ABCB11: variants seen among roughly 807,000 people sequenced by gnomAD.
ABCB11 encodes ATP binding cassette subfamily B member 11, also known as bile salt export pump.
ABCB11 carries 95 observed loss-of-function variants against 148.0 expected under a neutral mutation model. The ratio of observed to expected loss-of-function variants is 0.64; its 90% CI spans 0.54 to 0.76. ABCB11 has a LOEUF of 0.76. Ranked by LOEUF, ABCB11 falls within the 30% of genes least tolerant of loss-of-function variation. The pLI is 0.00. For missense variants in ABCB11, 1,523 were observed against 1,617.8 expected (o/e 0.94, Z 1.01); for synonymous variants, 591 against 555.4 (o/e 1.06, Z -0.90).
At chr2:168,960,131 T>G (rs1405732086) in intron 18 of ABCB11, among the ~76,000 whole-genome samples, 2 of 151,500 alleles carry the variant, frequency 1.3e-5, no homozygotes, top group Admixed American at 6.6e-5. Flanking sequence ...GGTTGATGAT[T>G]AAAAAACCAG....
intron 21 of ABCB11, among the ~76,000 whole-genome samples, chr2:168,942,502 G>A (rs573014479): frequency 3.1e-4 from 2 of 6,442 alleles, no homozygotes; most frequent in East Asian, 0.016. Flanking sequence ...TTAAAACAAA[G>A]GGTGCAAAAA....
intron 5 of ABCB11, among the ~76,000 whole-genome samples, chr2:169,001,230 G>T (rs1389855409): frequency 1.3e-5 from 2 of 152,142 alleles, no homozygotes; most frequent in Non-Finnish European, 2.9e-5. Flanking sequence ...AATTCAGAAA[G>T]CTTAAGAGAA....
intron 9 of ABCB11, among the ~76,000 whole-genome samples, chr2:168,987,781 A>C (rs930842553): frequency 1.3e-5 from 2 of 152,236 alleles, no homozygotes; most frequent in African/African-American, 4.8e-5. Context: ...CATGTAGCAC[A>C]GTACCTGAAT....
At chr2:168,933,205 T>C (rs1315611532) in intron 23 of ABCB11, among the ~76,000 whole-genome samples, 1 of 151,682 alleles carries the variant, frequency 6.6e-6, no homozygotes, top group Non-Finnish European at 1.5e-5. Context: ...GATCACCAGA[T>C]TGAGTTGATT....
At chr2:168,976,749 A>G in intron 11 of ABCB11, 62 bp from the exon 12 acceptor site, 1 of 986,288 alleles carries the variant, frequency 1.0e-6, no homozygotes, top group South Asian at 1.4e-5. Flanking sequence ...ACTCAATTCA[A>G]ATTGTAAATT....
intron 18 of ABCB11, among the ~76,000 whole-genome samples, chr2:168,958,378 T>C (rs1319421684): frequency 6.6e-6 from 1 of 151,662 alleles, no homozygotes; most frequent in Non-Finnish European, 1.5e-5. Flanking sequence ...ATTTCATGAT[T>C]ACATGTGTAT....
In ABCB11 at chr2:168,964,249, A is replaced by G. The variant is rs372939910; in HGVS notation, c.2135T>C (p.Leu712Ser). The change falls in exon 18 of 28, where the codon TTA becomes TCA. Residue 712 changes from leucine (L) to serine (S), a missense_variant. Transcript: ENST00000650372. ...GGTAGACTTATGATCTACAACAGCT[A>G]ATGGAGGTTCGTGCACCAGGTAAGA... Reference protein sequence around the residue: ...QLSYLVHEPPLAVVDHKSTYE... With the variant: ...QLSYLVHEPPSAVVDHKSTYE... 2.3e-5 allele frequency: 36 copies of G among 1,569,972 alleles called. No individual in the cohort carries two copies. The East Asian group carries it at 3.0e-4, about 13-fold the overall frequency.
rs767887007 is a variant in ABCB11 at position 169,001,031 on chromosome 2, C to T, written c.390-4309G>A. Among the ~76,000 whole-genome samples, 14 of 152,118 alleles carry T rather than the reference C, an allele frequency of 9.2e-5. 1 individual carries two copies. Among genetic ancestry groups the T allele is most frequent in the Non-Finnish European group, 1.5e-4 (10 of 68,016 alleles). The stretch of plus-strand genomic sequence containing the variant: ...TGCTCTAGGAAATACATTATAGATA[C>T]ATCACTTTTCACAGTCTACTAGTGC... On this transcript the variant is annotated intron_variant, in intron 5 of 27. Coordinates refer to ENST00000650372, the MANE Select transcript of ABCB11 (RefSeq NM_003742.4).
intron 19 of ABCB11, among the ~76,000 whole-genome samples, chr2:168,949,702 A>G (rs1692473844): frequency 6.6e-6 from 1 of 151,564 alleles, no homozygotes; most frequent in Non-Finnish European, 1.5e-5. Flanking sequence ...TTCCCTTTGT[A>G]TATGCCCATA....
chr2:168,936,105 T>C, intron 22 of ABCB11, 125 bp downstream of exon 22: 1 of 927,806 alleles, frequency 1.1e-6, no homozygotes, highest in Non-Finnish European at 1.6e-6. Context: ...TGGTGGAAGG[T>C]TCTTAAGTGT....
At chr2:168,933,277 T>C (rs1481111400) in intron 23 of ABCB11, among the ~76,000 whole-genome samples, 2 of 152,192 alleles carry the variant, frequency 1.3e-5, no homozygotes, top group Non-Finnish European at 2.9e-5. Context: ...TGATTGATGA[T>C]ATAAGCATCA....
chr2:169,030,972 A>ACT (rs76125145), intron 1 of ABCB11, among the ~76,000 whole-genome samples: 9 of 151,740 alleles, frequency 5.9e-5, no homozygotes, highest in Non-Finnish European at 1.3e-4. Context: ...CATGTACACC[A>ACT]CTCTCTCTCT....
chr2:168,930,875 G>A lies in ABCB11; in HGVS notation c.3214-13C>T. ...CCTGGAAGTTGTCCTGTGGATGGGA[G>A]GATCAAAATTAGAGATGCTCTTACT... On this transcript the variant is annotated splice_polypyrimidine_tract_variant and intron_variant, in intron 24 of 27. Transcript: ENST00000650372. 2.5e-6 allele frequency: 4 copies of A among 1,577,050 alleles called. No homozygotes were observed. Among genetic ancestry groups the A allele is most frequent in the South Asian group, 1.2e-5 (1 of 86,442 alleles).
intron 1 of ABCB11, among the ~76,000 whole-genome samples, chr2:169,018,450 G>C (rs1405241573): frequency 6.6e-6 from 1 of 152,104 alleles, no homozygotes; most frequent in Non-Finnish European, 1.5e-5. Context: ...TTGGATGGAT[G>C]GTTATTCTTT....
Position 168,932,414 on chromosome 2 carries a change from G to C in ABCB11, c.3176C>G (p.Pro1059Arg). The change falls in exon 24 of 28, where the codon CCC becomes CGC. Residue 1059 changes from proline (P) to arginine (R), a missense_variant. Physicochemically the swap from Pro to Arg is moderately radical, Grantham distance 103 (BLOSUM62 -2). Transcript: ENST00000650372. Reference protein sequence around the residue: ...ARFFQLLDRQPPISVYNTAGE... With the variant: ...ARFFQLLDRQRPISVYNTAGE... ...TGCAGTATTGTATACACTGATTGGG[G>C]GTTGTCGGTCCAGCAGTTGAAAAAA... is the stretch of plus-strand genomic sequence containing the variant. The C allele has an allele frequency of 6.3e-7, 1 of 1,583,568 alleles. No homozygotes were observed. Among genetic ancestry groups the C allele is most frequent in the Non-Finnish European group, 8.6e-7 (1 of 1,164,166 alleles).
chr2:168,981,011 G>A (rs1694117388), intron 10 of ABCB11, among the ~76,000 whole-genome samples: 1 of 152,134 alleles, frequency 6.6e-6, no homozygotes, highest in Non-Finnish European at 1.5e-5. Context: ...ACAGTCTATT[G>A]CCAAGCCAAA....
rs75445101 is a variant in ABCB11, at chr2:169,019,208, T to A, written c.-27-1056A>T. ...TGTATTACATACATATATACACACATGTACAAATAAAAGAGAGAAAGGGGG... is the reference window on the plus strand; with the variant it reads ...TGTATTACATACATATATACACACAAGTACAAATAAAAGAGAGAAAGGGGG... On this transcript the variant is annotated intron_variant, in intron 1 of 27. Transcript: ENST00000650372. Among the ~76,000 whole-genome samples the A allele has an allele frequency of 5.3e-5, 8 of 152,078 alleles. No homozygotes were observed. The East Asian group carries it at 1.5e-3, about 29-fold the overall frequency.
At chr2:168,983,868 C>T (rs2105991776) in intron 10 of ABCB11, among the ~76,000 whole-genome samples, 1 of 152,148 alleles carries the variant, frequency 6.6e-6, no homozygotes, top group East Asian at 1.9e-4. Flanking sequence ...AAAACGACTC[C>T]CTATTTACTT....
chr2:168,951,862 T>G (rs1692584392), intron 19 of ABCB11, among the ~76,000 whole-genome samples: 5 of 151,722 alleles, frequency 3.3e-5, no homozygotes. Context: ...CCCCATTAAG[T>G]ATGATATTTG....
Sources: gnomAD v4.1 joint callset for allele counts (sites outside exome capture counted in the v4.1 genomes callset) on GRCh38, gnomAD v4.1.1 for gene constraint, MANE v1.5 for transcripts, NCBI Gene and HGNC (gene_info 2026-07-23, HGNC 2026-07-21) for gene names.